Variants in EYS observed in about 807,000 individuals in gnomAD.
EYS encodes protein eyes shut homolog.
Under a neutral mutation model 282.1 loss-of-function variants are expected in EYS, and 250 were observed. The observed-to-expected ratio is 0.89, with a 90% confidence interval of 0.80 to 0.98. EYS has a LOEUF of 0.98. Among genes scored for constraint, EYS ranks in the 50% least tolerant of loss-of-function variants. The pLI is 0.00. For missense variants in EYS, 4,016 were observed against 3,709.0 expected (o/e 1.08, Z -2.15); for synonymous variants, 1,355 against 1,282.9 (o/e 1.06, Z -1.20).
At chr6:65,526,336 G>C (rs1767562946) in intron 2 of EYS, among the ~76,000 whole-genome samples, 1 of 152,050 alleles carries the variant, frequency 6.6e-6, no homozygotes, top group Non-Finnish European at 1.5e-5. Flanking sequence ...GAGATCAATT[G>C]TAAGTAAAAT....
intron 22 of EYS, among the ~76,000 whole-genome samples, chr6:64,684,920 C>T (rs920567113): frequency 7.3e-5 from 11 of 151,316 alleles, no homozygotes; most frequent in African/African-American, 2.4e-4. Context: ...CATGATAAAC[C>T]CAAATCCAAC....
At chr6:65,205,189 C>T (rs1379519480) in intron 12 of EYS, among the ~76,000 whole-genome samples, 1 of 149,918 alleles carries the variant, frequency 6.7e-6, no homozygotes, top group African/African-American at 2.4e-5. Flanking sequence ...CACATATATA[C>T]TCAAAGTAAA....
intron 22 of EYS, among the ~76,000 whole-genome samples, chr6:64,773,820 GTTGT>G (rs1051752351): frequency 5.9e-5 from 9 of 151,734 alleles, no homozygotes; most frequent in African/African-American, 1.7e-4. Context: ...TTGTAATGGA[GTTGT>G]TTGTTTTTTG....
chr6:65,434,343 C>T lies in EYS; in HGVS notation c.863-28976G>A, dbSNP rs576743723. On this transcript the variant is annotated intron_variant, in intron 5 of 42. Transcript: ENST00000503581. ...CATAATTTTTTTTTTTTTTTTGAGA[C>T]GGAGTCTCGCTCTGTTGCCCAGGCT... Among the ~76,000 whole-genome samples the T allele has an allele frequency of 1.2e-3, 166 of 142,710 alleles. 1 individual carries two copies. The highest frequency in any genetic ancestry group is 2.8e-3 in the African/African-American group (111 of 39,338). The allele number at this position is 142,710 out of a possible 152,430, so 93.6% of individuals were successfully genotyped here. A position where few individuals can be genotyped will look rare whatever the true frequency, so the allele number is the denominator to read the frequency against.
intron 22 of EYS, among the ~76,000 whole-genome samples, chr6:64,763,145 C>T (rs1773215816): frequency 6.6e-6 from 1 of 152,010 alleles, no homozygotes; most frequent in South Asian, 2.1e-4. Context: ...AATATTACCA[C>T]AGGAATAAAT....
At chr6:64,218,891 C>T (rs550944501) in intron 31 of EYS, among the ~76,000 whole-genome samples, 21 of 152,278 alleles carry the variant, frequency 1.4e-4, no homozygotes, top group Middle Eastern at 3.4e-3. Flanking sequence ...GAAGGTAACA[C>T]GGCTCAAGTC....
intron 41 of EYS, among the ~76,000 whole-genome samples, chr6:63,745,913 T>C (rs1037086667): frequency 6.6e-6 from 1 of 152,192 alleles, no homozygotes; most frequent in African/African-American, 2.4e-5. Flanking sequence ...CCACAGAGCA[T>C]GCTCTCTCTC....
intron 2 of EYS, among the ~76,000 whole-genome samples, chr6:65,614,204 T>C (rs1408467438): frequency 6.6e-6 from 1 of 151,990 alleles, no homozygotes; most frequent in African/African-American, 2.4e-5. Flanking sequence ...ATGAGTGTTT[T>C]TGGAGATATG....
At chr6:64,813,349 T>C in intron 22 of EYS, 29 bp downstream of exon 22, 1 of 1,506,774 alleles carries the variant, frequency 6.6e-7, no homozygotes, top group Admixed American at 2.2e-5. Flanking sequence ...AATATATATT[T>C]ACTTACTTGT....
intron 12 of EYS, among the ~76,000 whole-genome samples, chr6:65,200,364 G>T (rs988128459): frequency 1.3e-5 from 2 of 151,516 alleles, no homozygotes; most frequent in Non-Finnish European, 2.9e-5. Context: ...TTAAGCCAGA[G>T]AATTAAGAGT....
chr6:63,803,921 A>T (rs1770839476), intron 37 of EYS, among the ~76,000 whole-genome samples: 1 of 152,222 alleles, frequency 6.6e-6, no homozygotes, highest in Admixed American at 6.5e-5. Context: ...AATAACTTGG[A>T]TGGGGTGGGA....
At chr6:65,155,471 A>T (rs1251532864) in intron 12 of EYS, among the ~76,000 whole-genome samples, 1 of 151,410 alleles carries the variant, frequency 6.6e-6, no homozygotes, top group East Asian at 2.0e-4. Context: ...GATTAGTAGA[A>T]TTTTCTCCTG....
intron 28 of EYS, among the ~76,000 whole-genome samples, chr6:64,400,965 C>T (rs1011389053): frequency 3.9e-5 from 6 of 151,972 alleles, no homozygotes; most frequent in African/African-American, 1.4e-4. Context: ...GCCATGAATT[C>T]TATCCATTAA....
At chr6:64,995,554 G>T (rs77113735) in intron 14 of EYS, among the ~76,000 whole-genome samples, 2,309 of 152,172 alleles carry the variant, frequency 0.015, 17 homozygotes, top group Middle Eastern at 0.071. Context: ...CCATTTCTTG[G>T]AAGGATATCA....
chr6:65,085,460 C>T (rs1048591740), intron 12 of EYS, among the ~76,000 whole-genome samples: 9 of 152,168 alleles, frequency 5.9e-5, no homozygotes, highest in Non-Finnish European at 1.2e-4. Context: ...AATGAACCAT[C>T]ACTGTGCTTC....
At chr6:63,733,739 T>C (rs76638779) in intron 41 of EYS, among the ~76,000 whole-genome samples, 189 of 152,216 alleles carry the variant, frequency 1.2e-3, no homozygotes, top group African/African-American at 4.4e-3. Flanking sequence ...ACGGACCACG[T>C]TATAAACATG....
chr6:63,983,324 G>T (rs1431349800), intron 35 of EYS, among the ~76,000 whole-genome samples: 4 of 151,606 alleles, frequency 2.6e-5, no homozygotes, highest in Non-Finnish European at 5.9e-5. Flanking sequence ...CACTAACCAT[G>T]CCTTTTTTAT....
chr6:65,043,158 A>G (rs1038760076), intron 13 of EYS, among the ~76,000 whole-genome samples: 4 of 151,620 alleles, frequency 2.6e-5, no homozygotes, highest in African/African-American at 9.7e-5. Flanking sequence ...ACAAAGTTCA[A>G]TGATTAAATT....
At chr6:65,558,468 C>T (rs918385121) in intron 2 of EYS, among the ~76,000 whole-genome samples, 70 of 152,142 alleles carry the variant, frequency 4.6e-4, no homozygotes, top group Non-Finnish European at 1.0e-4. Flanking sequence ...TCCCAGGATC[C>T]CAAGAGCACA....
Sources: allele counts gnomAD v4.1 joint callset (sites outside exome capture counted in the v4.1 genomes callset), GRCh38; gene constraint gnomAD v4.1.1; transcripts MANE v1.5; gene names NCBI Gene and HGNC (gene_info 2026-07-23, HGNC 2026-07-21).